Variants in ZC2HC1B observed in about 807,000 individuals in gnomAD.
The protein encoded by ZC2HC1B is zinc finger C2HC-type containing 1B.
In ZC2HC1B, 36 loss-of-function variants were observed where a neutral mutation model predicts 31.0. That is an observed-to-expected ratio of 1.16 (90% confidence interval 0.89 to 1.54). ZC2HC1B has a LOEUF of 1.54. Ranked by LOEUF, ZC2HC1B falls within the 40% of genes most tolerant of loss-of-function variation. The probability of loss-of-function intolerance (pLI) is 0.00; values close to 1 mark genes in which losing one functional copy is unlikely to be tolerated. For synonymous variants in ZC2HC1B, 73 were observed against 88.0 expected (o/e 0.83, Z 0.95); for missense variants, 260 against 268.6 (o/e 0.97, Z 0.22).
chr6:143,882,650 C>T (rs1174574405), intron 1 of ZC2HC1B, among the ~76,000 whole-genome samples: 1 of 151,878 alleles, frequency 6.6e-6, no homozygotes, highest in South Asian at 2.1e-4. Context: ...ATAAGTTTCC[C>T]TAAGGATCAT....
chr6:143,898,635 T>C lies in ZC2HC1B; in HGVS notation c.433T>C (p.Ser145Pro). Residue 145 changes from serine (S) to proline (P), a missense_variant, in exon 5 of 8, where the codon TCT (serine) becomes CCT (proline). Physicochemically the swap from Ser to Pro is moderately conservative, Grantham distance 74 (BLOSUM62 -1). Transcript: ENST00000237275. ...TACTAATTTCTGCAAGGATCAGTCT[T>C]CTCGCCGAGTCTTTAATCCAGCTCA... ...RHTNFCKDQS[S>P]RRVFNPAQTA... 1.3e-6 allele frequency: 2 copies of C among 1,551,958 alleles called. No individual in the cohort carries two copies. The highest frequency in any genetic ancestry group is 1.7e-6 in the Non-Finnish European group (2 of 1,147,030).
intron 4 of ZC2HC1B, among the ~76,000 whole-genome samples, chr6:143,894,758 T>G (rs1777645842): frequency 6.6e-6 from 1 of 152,232 alleles, no homozygotes; most frequent in Non-Finnish European, 1.5e-5. Flanking sequence ...ATATTCATTT[T>G]AAGATTAGAA....
At chr6:143,926,953 G>GGCACCCGCCACC (rs1554241409) in intron 6 of ZC2HC1B, among the ~76,000 whole-genome samples, 2 of 107,216 alleles carry the variant, frequency 1.9e-5, no homozygotes, top group East Asian at 2.3e-4. Context: ...TGGGACTACA[G>GGCACCCGCCACC]GCGCCCGGCT....
intron 6 of ZC2HC1B, among the ~76,000 whole-genome samples, chr6:143,926,830 T>TC (rs1304566353): frequency 8.4e-6 from 1 of 119,430 alleles, no homozygotes. Context: ...TGTATCTTCT[T>TC]TTTTTTTTTT....
chr6:143,882,201 T>G (rs1229901164), intron 1 of ZC2HC1B, among the ~76,000 whole-genome samples: 1 of 151,672 alleles, frequency 6.6e-6, no homozygotes, highest in South Asian at 2.1e-4. Flanking sequence ...ACACAAATGT[T>G]ACTGTAATAT....
In ZC2HC1B at chr6:143,919,215, CTCTGTGTGTG is replaced by C. The variant is rs1355948485; in HGVS notation, c.598+16065_598+16074del. 1.9e-3 allele frequency among the ~76,000 whole-genome samples: 241 copies of C among 124,148 alleles called. 1 individual carries two copies. The highest frequency in any genetic ancestry group is 0.016 in the East Asian group (72 of 4,570). 81.4% of individuals were successfully genotyped at this position (124,148 alleles called of 152,430 possible). A position where few individuals can be genotyped will look rare whatever the true frequency, so the allele number is the denominator to read the frequency against. ...TCTCCCTTCTGCAGGGTTTGCTATT[CTCTGTGTGTG>C]TGTGTGTGTGTGTGTGTGTGTGTGT... On this transcript the variant is annotated intron_variant, in intron 6 of 7. Transcript: ENST00000237275.
chr6:143,919,175 G>A (rs1247430271), intron 6 of ZC2HC1B, among the ~76,000 whole-genome samples: 1 of 150,992 alleles, frequency 6.6e-6, no homozygotes, highest in Non-Finnish European at 1.5e-5. Context: ...ATATGTAACT[G>A]TGGAAATTAG....
At chr6:143,877,029 C>A (rs1019409601) in intron 1 of ZC2HC1B, among the ~76,000 whole-genome samples, 1 of 150,166 alleles carries the variant, frequency 6.7e-6, no homozygotes, top group Non-Finnish European at 1.5e-5. Context: ...CAATATTAAC[C>A]ACCACAGGAG....
Position 143,921,938 on chromosome 6 carries a change from T to TA in ZC2HC1B, c.599-15703dup, listed in dbSNP as rs367757140. ...GGTGACAAAGTAAGTCCTTTTCTCT[T>TA]AAAAAAAATAAAAATAAAGTTGCTA... On this transcript the variant is annotated intron_variant, in intron 6 of 7. Coordinates refer to ENST00000237275, the MANE Select transcript of ZC2HC1B (RefSeq NM_001013623.3). The surrounding 1 kb of genome is among the most constrained non-coding windows in gnomAD (Gnocchi z 6.1). Among the ~76,000 whole-genome samples the TA allele has an allele frequency of 1.4e-4, 21 of 152,018 alleles. No homozygotes were observed. Among genetic ancestry groups the TA allele is most frequent in the East Asian group, 1.9e-4 (1 of 5,186 alleles).
At chr6:143,867,941 G>A (rs550370611) in intron 1 of ZC2HC1B, among the ~76,000 whole-genome samples, 1 of 152,304 alleles carries the variant, frequency 6.6e-6, no homozygotes, top group South Asian at 2.1e-4. Flanking sequence ...ATGAAATGGG[G>A]TACAGGGGAT....
At chr6:143,901,549 C>A (rs574374365) in intron 5 of ZC2HC1B, among the ~76,000 whole-genome samples, 1 of 152,022 alleles carries the variant, frequency 6.6e-6, no homozygotes. Flanking sequence ...CATGAGACCC[C>A]GTGCCCGGCC....
intron 4 of ZC2HC1B, among the ~76,000 whole-genome samples, chr6:143,896,628 G>A (rs1316542372): frequency 1.3e-5 from 2 of 152,054 alleles, no homozygotes; most frequent in African/African-American, 2.4e-5. Flanking sequence ...GTTCCACCCC[G>A]CCCACTGTGC....
At chr6:143,930,632 C>T (rs1248386400) in intron 6 of ZC2HC1B, among the ~76,000 whole-genome samples, 2 of 152,114 alleles carry the variant, frequency 1.3e-5, no homozygotes, top group African/African-American at 4.8e-5. Flanking sequence ...CTGCCTCGGC[C>T]TCCCAAAGTG....
chr6:143,886,252 A>G lies in ZC2HC1B; in HGVS notation c.210+101A>G. 1 of 1,252,364 alleles carries G rather than the reference A, an allele frequency of 8.0e-7. No homozygotes were observed. The highest frequency in any genetic ancestry group is 1.0e-6 in the Non-Finnish European group (1 of 973,074). 77.6% of individuals were successfully genotyped at this position (1,252,364 alleles called of 1,614,324 possible). ...TTCATTTTTGCTTGATAATACAGTA[A>G]TGTAATGTAACTGTAATCCACCTTT... On this transcript the variant is annotated intron_variant, in intron 3 of 7. Transcript: ENST00000237275. This position sits in a 1 kb window ranked among gnomAD's most constrained non-coding sequence, Gnocchi z 4.2.
rs1473179614 is a variant in ZC2HC1B, at chr6:143,884,584, G to A, written c.90+219G>A. Among the ~76,000 whole-genome samples the A allele has an allele frequency of 6.6e-6, 1 of 152,184 alleles. No homozygotes were observed. The highest frequency in any genetic ancestry group is 1.5e-5 in the Non-Finnish European group (1 of 68,020). On this transcript the variant is annotated intron_variant, in intron 2 of 7. Coordinates refer to ENST00000237275, the MANE Select transcript of ZC2HC1B (RefSeq NM_001013623.3). The surrounding 1 kb of genome is among the most constrained non-coding windows in gnomAD (Gnocchi z 5.1). ...CTATTAAACATGGTCCTCCTGAAAT[G>A]ATGCCAGATGGAAGTCTCTTGGCAT...
At position 143,887,469 on chromosome 6, in the gene ZC2HC1B, A is replaced by C. The variant is rs972579189; in HGVS notation, c.349+648A>C. Among the ~76,000 whole-genome samples, 2 of 152,092 alleles carry C rather than the reference A, an allele frequency of 1.3e-5. No homozygotes were observed. The highest frequency in any genetic ancestry group is 4.8e-5 in the African/African-American group (2 of 41,422). On this transcript the variant is annotated intron_variant, in intron 4 of 7. Transcript: ENST00000237275. The surrounding 1 kb of genome is among the most constrained non-coding windows in gnomAD (Gnocchi z 5.1). ...GAGTTCCTTTTCCTGCATAATCACA[A>C]TACTATTATCACACTTGATATATAT... is the stretch of plus-strand genomic sequence containing the variant.
rs946281875 is a variant in ZC2HC1B at position 143,898,792 on chromosome 6, G to GT, written c.489+102dup. On this transcript the variant is annotated intron_variant, in intron 5 of 7. Transcript: ENST00000237275. ...ACCTCAGTTACCCATCCTAAGAAGT[G>GT]TAAGCGTGAAGAGAGCTGATCATGA... 76 of 1,422,418 alleles carry GT rather than the reference G, an allele frequency of 5.3e-5. No homozygotes were observed. The African/African-American group carries it at 9.7e-4, about 18-fold the overall frequency. The allele number at this position is 1,422,418 out of a possible 1,614,324, so 88.1% of individuals were successfully genotyped here.
At chr6:143,891,356 A>G (rs529528934) in intron 4 of ZC2HC1B, among the ~76,000 whole-genome samples, 111 of 152,172 alleles carry the variant, frequency 7.3e-4, no homozygotes, top group African/African-American at 2.4e-3. Flanking sequence ...TAACCTATGG[A>G]TTCAATGTAA....
At chr6:143,935,976 G>T (rs1381766953) in intron 6 of ZC2HC1B, among the ~76,000 whole-genome samples, 1 of 151,954 alleles carries the variant, frequency 6.6e-6, no homozygotes, top group Admixed American at 6.6e-5. Flanking sequence ...TCTACTTATG[G>T]TATCATATAT....
Sources: gnomAD v4.1 joint callset for allele counts (sites outside exome capture counted in the v4.1 genomes callset) on GRCh38, gnomAD v4.1.1 for gene constraint, Gnocchi (gnomAD v3.1) non-coding constraint, MANE v1.5 for transcripts, NCBI Gene and HGNC (gene_info 2026-07-23, HGNC 2026-07-21) for gene names.